Variants in SORBS2 observed in about 807,000 individuals in gnomAD.
SORBS2 encodes sorbin and SH3 domain-containing protein 2.
In SORBS2, 46 loss-of-function variants were observed where a neutral mutation model predicts 97.7. The ratio of observed to expected loss-of-function variants is 0.47; its 90% CI spans 0.37 to 0.60. The LOEUF (loss-of-function observed/expected upper bound fraction) is 0.60. Among genes scored for constraint, SORBS2 ranks in the 20% least tolerant of loss-of-function variants. The pLI, the probability that SORBS2 is intolerant of heterozygous loss-of-function variation, is 0.00. For missense variants in SORBS2, 1,316 were observed against 1,282.3 expected (o/e 1.03, Z -0.40); for synonymous variants, 476 against 473.4 (o/e 1.01, Z -0.07).
chr4:185,908,275 G>C (rs1432519330), intron 1 of SORBS2, among the ~76,000 whole-genome samples: 2 of 65,084 alleles, frequency 3.1e-5, no homozygotes, highest in African/African-American at 7.0e-5. Flanking sequence ...CCCATGCAAA[G>C]GCTATATATA....
chr4:185,778,414 A>C (rs1346585960), intron 1 of SORBS2, among the ~76,000 whole-genome samples: 1 of 149,958 alleles, frequency 6.7e-6, no homozygotes, highest in Admixed American at 6.7e-5. Context: ...TCCACGGACC[A>C]ACATTAACGT....
intron 1 of SORBS2, among the ~76,000 whole-genome samples, chr4:185,860,360 T>C (rs780213338): frequency 2.0e-5 from 3 of 152,160 alleles, no homozygotes; most frequent in East Asian, 1.9e-4. Flanking sequence ...ATGAGTGCCA[T>C]GCAGACAATA....
At chr4:185,863,331 A>G (rs2099224959) in intron 1 of SORBS2, among the ~76,000 whole-genome samples, 1 of 152,208 alleles carries the variant, frequency 6.6e-6, no homozygotes, top group South Asian at 2.1e-4. Context: ...CAGTCCTATA[A>G]GGATATTTTA....
intron 2 of SORBS2, among the ~76,000 whole-genome samples, chr4:185,746,214 G>A (rs564573596): frequency 6.9e-4 from 105 of 152,292 alleles, no homozygotes; most frequent in African/African-American, 2.3e-3. Flanking sequence ...AAAGTCCTCC[G>A]CGGACATCAC....
chr4:185,832,154 G>T (rs1300221687), intron 1 of SORBS2, among the ~76,000 whole-genome samples: 1 of 152,158 alleles, frequency 6.6e-6, no homozygotes, highest in East Asian at 1.9e-4. Context: ...TGCCATGATA[G>T]ATGGTTTCCC....
intron 1 of SORBS2, among the ~76,000 whole-genome samples, chr4:185,908,277 C>CCA (rs2099252310): frequency 1.1e-5 from 1 of 89,574 alleles, no homozygotes; most frequent in Non-Finnish European, 2.1e-5. Flanking sequence ...CATGCAAAGG[C>CCA]TATATATATA....
chr4:185,863,364 A>C (rs571785008), intron 1 of SORBS2, among the ~76,000 whole-genome samples: 1 of 152,356 alleles, frequency 6.6e-6, no homozygotes, highest in South Asian at 2.1e-4. Flanking sequence ...AGACAGGTAC[A>C]TGGATGGATC....
chr4:185,752,469 G>A (rs1181742936), intron 2 of SORBS2, among the ~76,000 whole-genome samples: 2 of 152,040 alleles, frequency 1.3e-5, no homozygotes, highest in Non-Finnish European at 2.9e-5. Flanking sequence ...GTAGATATGG[G>A]GTTTCACCGT....
chr4:185,803,945 T>C (rs948403503), intron 1 of SORBS2, among the ~76,000 whole-genome samples: 7 of 152,238 alleles, frequency 4.6e-5, no homozygotes, highest in African/African-American at 1.7e-4. Flanking sequence ...TTTTCTTAAC[T>C]GTCAGACATA....
At chr4:185,905,655 G>A (rs1230261630) in intron 1 of SORBS2, among the ~76,000 whole-genome samples, 4 of 151,994 alleles carry the variant, frequency 2.6e-5, no homozygotes, top group Non-Finnish European at 4.4e-5. Flanking sequence ...CTACAGGTGC[G>A]GTCTTACTAA....
chr4:185,661,475 A>C (rs983603943), upstream of SORBS2, among the ~76,000 whole-genome samples: 1 of 152,150 alleles, frequency 6.6e-6, no homozygotes, highest in Non-Finnish European at 1.5e-5. Flanking sequence ...GGAGAGCTCT[A>C]TCTTTCACTG....
intron 4 of SORBS2, 88 bp downstream of exon 14, chr4:185,638,789 G>T (rs944031012): frequency 5.5e-6 from 7 of 1,261,356 alleles, no homozygotes; most frequent in East Asian, 3.1e-5. Flanking sequence ...GGACCCGGGG[G>T]AGTGGGAGTC....
intron 1 of SORBS2, among the ~76,000 whole-genome samples, chr4:185,926,221 C>A (rs1359324349): frequency 1.3e-5 from 2 of 152,228 alleles, no homozygotes; most frequent in African/African-American, 4.8e-5. Context: ...AAAATGACTG[C>A]CCTGGCTGCA....
chr4:185,940,044 C>T (rs2149996117), intron 1 of SORBS2, among the ~76,000 whole-genome samples: 1 of 152,342 alleles, frequency 6.6e-6, no homozygotes. Flanking sequence ...CGCCACACAG[C>T]CTCTGGGCTG....
intron 2 of SORBS2, among the ~76,000 whole-genome samples, chr4:185,685,381 T>G (rs2097936707): frequency 6.6e-6 from 1 of 152,202 alleles, no homozygotes; most frequent in Non-Finnish European, 1.5e-5. Flanking sequence ...TTTTTTAGGA[T>G]TCATAGAGGA....
chr4:185,839,335 A>G (rs1004216544), intron 1 of SORBS2, among the ~76,000 whole-genome samples: 1 of 152,240 alleles, frequency 6.6e-6, no homozygotes, highest in South Asian at 2.1e-4. Context: ...ATGAGTCATT[A>G]GACCAGGACT....
intron 1 of SORBS2, among the ~76,000 whole-genome samples, chr4:185,840,789 A>T (rs1414389619): frequency 6.6e-6 from 1 of 152,192 alleles, no homozygotes; most frequent in East Asian, 1.9e-4. Flanking sequence ...TGATACCGAG[A>T]TGAAGGCAAC....
chr4:185,945,015 T>A (rs1365872928), intron 1 of SORBS2, among the ~76,000 whole-genome samples: 3 of 152,178 alleles, frequency 2.0e-5, no homozygotes, highest in Non-Finnish European at 4.4e-5. Flanking sequence ...AAATCATGAG[T>A]GCTCTAGGAA....
intron 1 of SORBS2, among the ~76,000 whole-genome samples, chr4:185,897,285 G>A (rs903418618): frequency 3.3e-5 from 5 of 152,138 alleles, no homozygotes; most frequent in Non-Finnish European, 7.3e-5. Flanking sequence ...TATGAGATCC[G>A]ATTCCAGAGA....
Sources: allele counts gnomAD v4.1 joint callset (sites outside exome capture counted in the v4.1 genomes callset), GRCh38; gene constraint gnomAD v4.1.1; transcripts MANE v1.5; gene names NCBI Gene and HGNC (gene_info 2026-07-23, HGNC 2026-07-21).